Variants in NRP1 observed in about 807,000 individuals in gnomAD.
NRP1 encodes neuropilin 1.
A neutral mutation model predicts 106.7 loss-of-function variants in NRP1; 35 were observed. The observed-to-expected ratio is 0.33, with a 90% CI of 0.25 to 0.43. The LOEUF (loss-of-function observed/expected upper bound fraction) is 0.43. NRP1 is among the 20% of genes least tolerant of loss of function. The probability of loss-of-function intolerance (pLI) is 1.00; values close to 1 mark genes in which losing one functional copy is unlikely to be tolerated. For missense variants in NRP1, 1,024 were observed against 1,170.4 expected, an observed-to-expected ratio of 0.87 and a Z score of 1.83; for synonymous variants, 437 against 417.9, an observed-to-expected ratio of 1.05 and a Z score of -0.56.
chr10:33,229,034 T>C (rs1414623555), intron 6 of NRP1, among the ~76,000 whole-genome samples: 1 of 152,218 alleles, frequency 6.6e-6, no homozygotes, highest in Admixed American at 6.5e-5. Flanking sequence ...GGGGAGGTGA[T>C]TGAAGGTTGT....
chr10:33,239,959 G>A (rs2269092), intron 6 of NRP1, among the ~76,000 whole-genome samples: 19,014 of 152,178 alleles, frequency 0.12, 1,570 homozygotes, highest in East Asian at 0.5. Flanking sequence ...TAGAGTGACC[G>A]CATCAAAATG....
intron 9 of NRP1, chr10:33,212,009 T>C (rs916365738): frequency 6.6e-6 from 1 of 152,198 alleles, no homozygotes; most frequent in African/African-American, 2.4e-5. Flanking sequence ...CCCAGCACAC[T>C]CCAGGGTATC....
chr10:33,265,148 A>G (rs79331936), intron 3 of NRP1, among the ~76,000 whole-genome samples: 2,113 of 152,162 alleles, frequency 0.014, 36 homozygotes, highest in Middle Eastern at 0.027. Flanking sequence ...AACAACAACC[A>G]AAAAAACCCA....
intron 6 of NRP1, among the ~76,000 whole-genome samples, chr10:33,243,743 C>T (rs1020439497): frequency 4.6e-5 from 7 of 152,186 alleles, no homozygotes; most frequent in African/African-American, 1.7e-4. Flanking sequence ...CAATTAGTCT[C>T]AAACACTTAC....
At chr10:33,280,760 C>G (rs1358343978) in intron 2 of NRP1, among the ~76,000 whole-genome samples, 1 of 151,932 alleles carries the variant, frequency 6.6e-6, no homozygotes, top group African/African-American at 2.4e-5. Flanking sequence ...GGTGGGCAGA[C>G]TGCTTGAGTT....
intron 6 of NRP1, among the ~76,000 whole-genome samples, chr10:33,237,487 G>GCGCGCA (rs1554788780): frequency 6.7e-4 from 97 of 144,846 alleles, no homozygotes; most frequent in Admixed American, 1.0e-3. Flanking sequence ...ACATGCGCGC[G>GCGCGCA]CACACACACA....
intron 6 of NRP1, among the ~76,000 whole-genome samples, chr10:33,247,387 G>T (rs773650715): frequency 6.6e-5 from 10 of 152,204 alleles, no homozygotes; most frequent in Non-Finnish European, 1.2e-4. Context: ...TTCTCTGCAA[G>T]TTGTAACAGG....
At chr10:33,247,944 A>G (rs1200664694) in intron 6 of NRP1, among the ~76,000 whole-genome samples, 2 of 152,172 alleles carry the variant, frequency 1.3e-5, no homozygotes, top group African/African-American at 2.4e-5. Flanking sequence ...GGGGGTAAAA[A>G]TCTCTGGTCA....
At chr10:33,298,642 A>G (rs1031279191) in intron 2 of NRP1, among the ~76,000 whole-genome samples, 21 of 152,204 alleles carry the variant, frequency 1.4e-4, no homozygotes, top group Admixed American at 3.3e-4. Context: ...TGGTTTTGGC[A>G]TCAGAGGCAG....
rs1249439007 is a variant in NRP1, at chr10:33,179,318, C to CA, written c.*757dup. 1.3e-5 allele frequency: 2 copies of CA among 152,542 alleles called. No individual in the cohort carries two copies. The highest frequency in any genetic ancestry group is 2.4e-5 in the African/African-American group (1 of 41,408). 9.4% of individuals were successfully genotyped at this position (152,542 alleles called of 1,614,324 possible). Reference sequence around the variant, plus strand: ...ATGTAACACAATGAACCAGTACAAACAAAAAGGCACTTGAGAGGACATAGA... The same window carrying CA: ...ATGTAACACAATGAACCAGTACAAACAAAAAAGGCACTTGAGAGGACATAGA... On this transcript the variant is annotated 3_prime_UTR_variant, in exon 17 of 17. Transcript: ENST00000374867.
chr10:33,314,058 T>TCCTC (rs140495312), intron 2 of NRP1, among the ~76,000 whole-genome samples: 24 of 128,558 alleles, frequency 1.9e-4, no homozygotes, highest in Admixed American at 5.6e-4. Context: ...TTCTTTCTAT[T>TCCTC]CCTCCCTCCC....
intron 2 of NRP1, among the ~76,000 whole-genome samples, chr10:33,313,207 C>CTG (rs1372453863): frequency 6.6e-6 from 1 of 152,122 alleles, no homozygotes; most frequent in African/African-American, 2.4e-5. Context: ...CGTCTGATAC[C>CTG]ACTTAGGGGT....
intron 3 of NRP1, among the ~76,000 whole-genome samples, chr10:33,268,142 T>G (rs1843047527): frequency 6.6e-6 from 1 of 152,162 alleles, no homozygotes; most frequent in African/African-American, 2.4e-5. Flanking sequence ...ACCTGTGCTT[T>G]TGTGTGTGTG....
intron 10 of NRP1, among the ~76,000 whole-genome samples, chr10:33,203,472 G>A (rs537678379): frequency 6.6e-6 from 1 of 151,950 alleles, no homozygotes; most frequent in South Asian, 2.1e-4. Flanking sequence ...GGGAGTCAAC[G>A]TTCACATTTA....
intron 8 of NRP1, among the ~76,000 whole-genome samples, chr10:33,216,377 G>A (rs1838773495): frequency 6.6e-6 from 1 of 151,972 alleles, no homozygotes; most frequent in South Asian, 2.1e-4. Context: ...ACCTCGTGAT[G>A]CCTGCCTCGG....
At chr10:33,265,752 C>T (rs1168931937) in intron 3 of NRP1, among the ~76,000 whole-genome samples, 4 of 152,212 alleles carry the variant, frequency 2.6e-5, no homozygotes, top group African/African-American at 9.6e-5. Context: ...ACCATGAGAG[C>T]TGCAAATGCT....
chr10:33,272,719 C>T (rs1280277203), intron 2 of NRP1, among the ~76,000 whole-genome samples: 4 of 152,118 alleles, frequency 2.6e-5, no homozygotes, highest in African/African-American at 7.2e-5. Context: ...GCATGTTTCG[C>T]CCCACGCTTT....
chr10:33,255,112 C>G (rs780215951), intron 5 of NRP1, among the ~76,000 whole-genome samples: 2 of 152,168 alleles, frequency 1.3e-5, no homozygotes, highest in Admixed American at 6.5e-5. Context: ...TCCAGAAAAT[C>G]TCAACTAACC....
chr10:33,181,203 G>A (rs1588675012), intron 16 of NRP1, among the ~76,000 whole-genome samples: 2 of 152,296 alleles, frequency 1.3e-5, no homozygotes, highest in East Asian at 3.9e-4. Flanking sequence ...CAATATGCCT[G>A]GGGTTTACTT....
Sources: gnomAD v4.1 joint callset for allele counts (sites outside exome capture counted in the v4.1 genomes callset) on GRCh38, gnomAD v4.1.1 for gene constraint, MANE v1.5 for transcripts, NCBI Gene and HGNC (gene_info 2026-07-23, HGNC 2026-07-21) for gene names.